Variants in JAK1 observed in about 807,000 individuals in gnomAD.
JAK1 encodes the protein Janus kinase 1, also known as tyrosine-protein kinase JAK1.
Under a neutral mutation model 136.6 loss-of-function variants are expected in JAK1, and 16 were observed. That is an observed-to-expected ratio of 0.12 (90% CI 0.08 to 0.18). JAK1 has a LOEUF of 0.18. Among genes scored for constraint, JAK1 ranks in the 10% least tolerant of loss-of-function variants. JAK1 has a pLI of 1.00. For missense variants in JAK1, 859 were observed against 1,450.1 expected, an observed-to-expected ratio of 0.59 and a Z score of 6.62; for synonymous variants, 492 against 519.5, an observed-to-expected ratio of 0.95 and a Z score of 0.72.
At chr1:64,992,914 A>AG in intron 2 of JAK1, 1 of 152,012 alleles carries the variant, frequency 6.6e-6, no homozygotes, top group East Asian at 1.9e-4. Context: ...AAAAAAAAAA[A>AG]AAAGATTTAG....
chr1:64,839,015 G>T (rs572722795), intron 20 of JAK1, among the ~76,000 whole-genome samples: 2 of 150,702 alleles, frequency 1.3e-5, no homozygotes, highest in African/African-American at 2.5e-5. Context: ...GCGTGATGGC[G>T]GGCGCCTGTA....
At chr1:65,053,883 G>T (rs564883845) in intron 1 of JAK1, among the ~76,000 whole-genome samples, 1 of 152,188 alleles carries the variant, frequency 6.6e-6, no homozygotes, top group Non-Finnish European at 1.5e-5. Context: ...TGGTTATTCA[G>T]AGAAGCTAGA....
At chr1:65,007,748 T>C (rs1448131705) in intron 2 of JAK1, among the ~76,000 whole-genome samples, 1 of 147,424 alleles carries the variant, frequency 6.8e-6, no homozygotes, top group Non-Finnish European at 1.5e-5. Context: ...TAGGTATGTT[T>C]TTTTTTTTTC....
rs536370946 is a variant in JAK1 at position 65,003,097 on chromosome 1, C to T, written c.-78+41383G>A. On this transcript the variant is annotated intron_variant, in intron 2 of 25. Coordinates refer to the JAK1 transcript ENST00000671954. ...CTTCCCTACTAGGACGCCCGCCTGA[C>T]TCGCCCCATTGCACAATTCTTACCG... is the stretch of plus-strand genomic sequence containing the variant. 1.4e-3 allele frequency among the ~76,000 whole-genome samples: 204 copies of T among 150,688 alleles called. 1 individual carries two copies. Among genetic ancestry groups the T allele is most frequent in the African/African-American group, 4.8e-3 (198 of 41,148 alleles).
chr1:64,972,022 T>C (rs1646457004), intron 2 of JAK1, among the ~76,000 whole-genome samples: 1 of 152,048 alleles, frequency 6.6e-6, no homozygotes, highest in Non-Finnish European at 1.5e-5. Context: ...GAACAAGACC[T>C]TGTCTCAAAA....
chr1:64,951,751 CG>C (rs1646094236), intron 1 of JAK1, among the ~76,000 whole-genome samples: 1 of 144,246 alleles, frequency 6.9e-6, no homozygotes, highest in Admixed American at 7.3e-5. Flanking sequence ...CTCCACCTCC[CG>C]GGTTCACGCC....
intron 5 of JAK1, among the ~76,000 whole-genome samples, chr1:64,871,806 T>C (rs1316866203): frequency 6.6e-6 from 1 of 152,254 alleles, no homozygotes; most frequent in Non-Finnish European, 1.5e-5. Context: ...CCCAGGATCA[T>C]TGCTGCAGAC....
chr1:64,877,231 A>T (rs1292817472), intron 4 of JAK1, among the ~76,000 whole-genome samples: 1 of 152,224 alleles, frequency 6.6e-6, no homozygotes, highest in Non-Finnish European at 1.5e-5. Context: ...AATCATCACC[A>T]ACATTTATTT....
chr1:64,928,778 C>CAAAAAAAA (rs1183218798), intron 1 of JAK1, among the ~76,000 whole-genome samples: 1,184 of 61,012 alleles, frequency 0.019, 128 homozygotes, highest in East Asian at 0.037. Context: ...TAAAACTCTG[C>CAAAAAAAA]AAAAAAAAAA....
intron 1 of JAK1, among the ~76,000 whole-genome samples, chr1:64,922,858 A>G (rs1157236930): frequency 2.0e-5 from 3 of 152,298 alleles, no homozygotes; most frequent in East Asian, 3.9e-4. Flanking sequence ...GCCACTTATG[A>G]GCTCTGTGTG....
chr1:65,039,339 C>T (rs1320585379), intron 2 of JAK1, among the ~76,000 whole-genome samples: 3 of 152,026 alleles, frequency 2.0e-5, no homozygotes, highest in Non-Finnish European at 4.4e-5. Context: ...TATAAAAGTT[C>T]CTAGTATGTA....
intron 4 of JAK1, among the ~76,000 whole-genome samples, chr1:64,874,246 A>G (rs1374413087): frequency 6.6e-6 from 1 of 152,210 alleles, no homozygotes; most frequent in Non-Finnish European, 1.5e-5. Context: ...ACCCTTGAAC[A>G]GCATGGGTTT....
intron 1 of JAK1, among the ~76,000 whole-genome samples, chr1:65,048,348 ATAT>A (rs1236881102): frequency 1.3e-5 from 2 of 152,208 alleles, no homozygotes; most frequent in Non-Finnish European, 2.9e-5. Flanking sequence ...TCGCTAGCAT[ATAT>A]TATTATTACC....
At chr1:65,046,855 G>A (rs1032688445) in intron 1 of JAK1, among the ~76,000 whole-genome samples, 1 of 141,386 alleles carries the variant, frequency 7.1e-6, no homozygotes, top group Non-Finnish European at 1.5e-5. Context: ...GTGAGCCACC[G>A]CATCCAGCCC....
intron 1 of JAK1, among the ~76,000 whole-genome samples, chr1:64,963,527 G>T (rs772391592): frequency 6.6e-6 from 1 of 151,980 alleles, no homozygotes; most frequent in African/African-American, 2.4e-5. Flanking sequence ...ATCCACAGGC[G>T]GCTTTTTACT....
At chr1:64,900,541 G>A (rs1645088425) in intron 1 of JAK1, among the ~76,000 whole-genome samples, 1 of 152,148 alleles carries the variant, frequency 6.6e-6, no homozygotes, top group Non-Finnish European at 1.5e-5. Flanking sequence ...TGGAGTCCTA[G>A]GAACTGCGAC....
intron 2 of JAK1, among the ~76,000 whole-genome samples, chr1:65,039,957 G>T (rs565772596): frequency 1.3e-5 from 2 of 152,190 alleles, no homozygotes; most frequent in African/African-American, 4.8e-5. Flanking sequence ...GCTTACACCT[G>T]TAATCCCAGC....
intron 8 of JAK1, among the ~76,000 whole-genome samples, chr1:64,864,289 T>C (rs1201285991): frequency 6.6e-6 from 1 of 152,192 alleles, no homozygotes; most frequent in East Asian, 1.9e-4. Flanking sequence ...CCTCAAGTGA[T>C]ACCAAAAAAG....
At chr1:64,867,766 G>A (rs780536576) in intron 6 of JAK1, among the ~76,000 whole-genome samples, 8 of 152,160 alleles carry the variant, frequency 5.3e-5, no homozygotes, top group South Asian at 2.1e-4. Flanking sequence ...CGAGGCGGGC[G>A]GATCATCTGA....
Sources: gnomAD v4.1 joint callset for allele counts (sites outside exome capture counted in the v4.1 genomes callset) on GRCh38, gnomAD v4.1.1 for gene constraint, MANE v1.5 for transcripts, NCBI Gene and HGNC (gene_info 2026-07-23, HGNC 2026-07-21) for gene names.